The following ADAMTS9 variants were observed in gnomAD, a reference collection of about 807,000 sequenced individuals.
The protein encoded by ADAMTS9 is A disintegrin and metalloproteinase with thrombospondin motifs 9.
A neutral mutation model predicts 257.1 loss-of-function variants in ADAMTS9; 107 were observed. That is an observed-to-expected ratio of 0.42 (90% CI 0.36 to 0.49). ADAMTS9 has a LOEUF of 0.49. ADAMTS9 is among the 20% of genes least tolerant of loss of function. The probability of loss-of-function intolerance (pLI) is 0.03; values close to 1 mark genes in which losing one functional copy is unlikely to be tolerated. For missense variants in ADAMTS9, 2,353 were observed against 2,469.1 expected (o/e 0.95, Z 1.00); for synonymous variants, 982 against 880.9 (o/e 1.11, Z -2.03).
chr3:64,616,311 T>C, intron 19 of ADAMTS9, 141 bp from the exon 20 acceptor site: 6 of 844,932 alleles, frequency 7.1e-6, no homozygotes, highest in Non-Finnish European at 1.1e-5. Context: ...CACAGTCAGT[T>C]GCTAAAATCT....
chr3:64,539,202 C>T lies in ADAMTS9; in HGVS notation c.5613+1G>A, dbSNP rs1575992937. 1 of 1,612,912 alleles carries T rather than the reference C, an allele frequency of 6.2e-7. No homozygotes were observed. The highest frequency in any genetic ancestry group is 8.5e-7 in the Non-Finnish European group (1 of 1,178,898). On this transcript the variant is annotated splice_donor_variant, in intron 37 of 39. Transcript: ENST00000498707. LOFTEE classifies it high-confidence loss of function. Reference sequence around the variant, plus strand: ...CAAGGGGGAAGGCACCAAGGACATACCTGTGGGCACTTGGCAGCGCTGTAG... The same window carrying T: ...CAAGGGGGAAGGCACCAAGGACATATCTGTGGGCACTTGGCAGCGCTGTAG...
chr3:64,595,537 T>G (rs1211306677), intron 27 of ADAMTS9, among the ~76,000 whole-genome samples: 1 of 152,168 alleles, frequency 6.6e-6, no homozygotes, highest in East Asian at 1.9e-4. Context: ...TACAGAAGCT[T>G]AATCACAGGC....
intron 30 of ADAMTS9, 95 bp downstream of exon 30, chr3:64,561,483 G>A (rs1559764383): frequency 2.9e-6 from 4 of 1,375,612 alleles, no homozygotes; most frequent in Admixed American, 2.3e-5. Flanking sequence ...AACCGTGCTC[G>A]GTGACTTCTC....
chr3:64,533,344 C>CCGTTCCA, intron 37 of ADAMTS9, 74 bp from the exon 38 acceptor site: 2 of 1,118,494 alleles, frequency 1.8e-6, no homozygotes, highest in Non-Finnish European at 2.7e-6. Flanking sequence ...AAAGGTGATA[C>CCGTTCCA]AATAAAAGGT....
At position 64,546,772 on chromosome 3, in the gene ADAMTS9, C is replaced by CA; in HGVS notation, c.5049dup (p.Gly1684TrpfsTer25). Reference sequence around the variant, plus strand: ...CTTCTACTTACGCTCCCCCAGTTGCCAACTCTCCAGGTGGCCGAGACAGGG... The same window carrying CA: ...CTTCTACTTACGCTCCCCCAGTTGCCAAACTCTCCAGGTGGCCGAGACAGGG... On this transcript the variant is annotated frameshift_variant, in exon 32 of 40. Coordinates refer to ENST00000498707, the MANE Select transcript of ADAMTS9 (RefSeq NM_182920.2). LOFTEE classifies it high-confidence loss of function. The CA allele has an allele frequency of 6.2e-7, 1 of 1,604,030 alleles. No individual in the cohort carries two copies.
chr3:64,682,743 T>C (rs1246355054), intron 2 of ADAMTS9, among the ~76,000 whole-genome samples: 1 of 152,210 alleles, frequency 6.6e-6, no homozygotes, highest in Non-Finnish European at 1.5e-5. Context: ...AAATCTGATC[T>C]ATTGAATCAA....
At chr3:64,539,379 A>C in intron 36 of ADAMTS9, 85 bp from the exon 37 acceptor site, 1 of 1,104,894 alleles carries the variant, frequency 9.1e-7, no homozygotes, top group Non-Finnish European at 1.4e-6. Context: ...ACAAGGAGAC[A>C]GAAGGGAAGA....
At chr3:64,573,553 C>T (rs1020182452) in intron 28 of ADAMTS9, among the ~76,000 whole-genome samples, 11 of 152,144 alleles carry the variant, frequency 7.2e-5, no homozygotes, top group African/African-American at 2.7e-4. Context: ...AGGCCTTTCC[C>T]TTGTGAGTCT....
rs762588387 is a variant in ADAMTS9 at position 64,686,156 on chromosome 3, C to G, written c.516+412G>C. 6.6e-6 allele frequency among the ~76,000 whole-genome samples: 1 copy of G among 152,226 alleles called. No individual in the cohort carries two copies. The highest frequency in any genetic ancestry group is 1.5e-5 in the Non-Finnish European group (1 of 68,040). On this transcript the variant is annotated intron_variant, in intron 2 of 39. Coordinates refer to ENST00000498707, the MANE Select transcript of ADAMTS9 (RefSeq NM_182920.2). This position sits in a 1 kb window ranked among gnomAD's most constrained non-coding sequence, Gnocchi z 4.6. ...CAGGGGATCCTCAGCCCCACATCCC[C>G]GATGCAAGGCGCACCAATAAGGAGT...
chr3:64,606,607 A>C (rs1209697164), intron 23 of ADAMTS9, among the ~76,000 whole-genome samples: 2 of 152,180 alleles, frequency 1.3e-5, no homozygotes, highest in Non-Finnish European at 2.9e-5. Context: ...GTGAGCTGGT[A>C]CAAGTTAGCT....
At chr3:64,658,453 A>C in intron 4 of ADAMTS9, 49 bp downstream of exon 4, 1 of 1,557,406 alleles carries the variant, frequency 6.4e-7, no homozygotes, top group Non-Finnish European at 8.7e-7. Context: ...CCATTCCCCA[A>C]TGGCACATTT....
chr3:64,667,675 A>T (rs1242149843), intron 3 of ADAMTS9, among the ~76,000 whole-genome samples: 1 of 152,142 alleles, frequency 6.6e-6, no homozygotes, highest in African/African-American at 2.4e-5. Context: ...TGTCCTTTTC[A>T]TTCTCCATTC....
At chr3:64,636,067 C>T (rs1700486973) in intron 12 of ADAMTS9, among the ~76,000 whole-genome samples, 1 of 136,008 alleles carries the variant, frequency 7.4e-6, no homozygotes, top group African/African-American at 3.0e-5. Flanking sequence ...TCCCTTTGAA[C>T]ATAAAGTTTT....
intron 30 of ADAMTS9, among the ~76,000 whole-genome samples, chr3:64,555,237 C>T (rs986747233): frequency 1.3e-5 from 2 of 152,152 alleles, no homozygotes; most frequent in African/African-American, 4.8e-5. Flanking sequence ...AAAAGCAGTC[C>T]TTACTTTAAA....
intron 12 of ADAMTS9, among the ~76,000 whole-genome samples, chr3:64,641,267 T>G: frequency 6.6e-6 from 1 of 152,052 alleles, no homozygotes; most frequent in African/African-American, 2.4e-5. Flanking sequence ...TTGCCTGCTT[T>G]TTTTTTGTTT....
In ADAMTS9 at chr3:64,686,593, G is replaced by A. The variant is rs1701913405; in HGVS notation, c.491C>T (p.Ala164Val). The change falls in exon 2 of 40, where the codon GCC (alanine) becomes GTC (valine). Residue 164 changes from alanine to valine, a missense_variant. Ala to Val is a moderately conservative substitution (Grantham distance 64). This residue lies in a region of ADAMTS9 where 591 missense variants were observed against 569.6 expected (regional missense o/e 1.04). Coordinates refer to ENST00000498707, the MANE Select transcript of ADAMTS9 (RefSeq NM_182920.2). The surrounding 1 kb of genome is among the most constrained non-coding windows in gnomAD (Gnocchi z 4.6). ...CATTCCTGAGCAGAGGCTGATGACGGCCGTGTGCTCGGAGTTGGTATTGAC... is the reference window on the plus strand; with the variant it reads ...CATTCCTGAGCAGAGGCTGATGACGACCGTGTGCTCGGAGTTGGTATTGAC... ...GYVNTNSEHT[A>V]VISLCSGMLG... is the part of the protein sequence containing the mutation. 6.2e-7 allele frequency: 1 copy of A among 1,612,390 alleles called. No individual in the cohort carries two copies. Among genetic ancestry groups the A allele is most frequent in the Non-Finnish European group, 8.5e-7 (1 of 1,179,336 alleles).
intron 38 of ADAMTS9, among the ~76,000 whole-genome samples, chr3:64,525,784 T>G (rs1027943042): frequency 1.3e-5 from 2 of 151,612 alleles, no homozygotes; most frequent in Non-Finnish European, 2.9e-5. Context: ...CTAATTTTTG[T>G]ATTTTTAGTA....
At chr3:64,559,649 G>C (rs1352596804) in intron 30 of ADAMTS9, among the ~76,000 whole-genome samples, 1 of 152,212 alleles carries the variant, frequency 6.6e-6, no homozygotes, top group African/African-American at 2.4e-5. Flanking sequence ...GTTTAAAAAA[G>C]ATCCATCTGC....
chr3:64,594,726 C>G (rs1199236295), intron 27 of ADAMTS9, among the ~76,000 whole-genome samples: 1 of 152,140 alleles, frequency 6.6e-6, no homozygotes, highest in African/African-American at 2.4e-5. Context: ...ATATATGAAG[C>G]AATTAAGGTG....
Sources: gnomAD v4.1 joint callset for allele counts (sites outside exome capture counted in the v4.1 genomes callset) on GRCh38, gnomAD v4.1.1 for gene constraint, gnomAD v4.1.1 regional missense constraint, Gnocchi (gnomAD v3.1) non-coding constraint, MANE v1.5 for transcripts, NCBI Gene and HGNC (gene_info 2026-07-23, HGNC 2026-07-21) for gene names.